Variants in RFX2 observed in about 807,000 individuals in gnomAD.
The protein encoded by RFX2 is DNA-binding protein RFX2.
In RFX2, 20 loss-of-function variants were observed where a neutral mutation model predicts 87.8. That is an observed-to-expected ratio of 0.23 (90% confidence interval 0.16 to 0.33). The LOEUF (loss-of-function observed/expected upper bound fraction) is 0.33. Among genes scored for constraint, RFX2 ranks in the 10% least tolerant of loss-of-function variants. RFX2 has a pLI of 1.00. For missense variants in RFX2, 767 were observed against 1,012.3 expected (o/e 0.76, Z 3.29); for synonymous variants, 397 against 431.3 (o/e 0.92, Z 0.98).
chr19:5,997,316 T>G lies in RFX2; in HGVS notation c.1860-103A>C. 7.7e-7 allele frequency: 1 copy of G among 1,293,864 alleles called. No individual in the cohort carries two copies. The highest frequency in any genetic ancestry group is 1.0e-6 in the Non-Finnish European group (1 of 966,350). The allele number at this position is 1,293,864 out of a possible 1,614,324, so 80.1% of individuals were successfully genotyped here. Reference sequence around the variant, plus strand: ...AACACACCCCCTGCTCTACGTTCCCTGGGGAACCCAGAGGCTGAGTGATCC... The same window carrying G: ...AACACACCCCCTGCTCTACGTTCCCGGGGGAACCCAGAGGCTGAGTGATCC... On this transcript the variant is annotated intron_variant, in intron 15 of 17. Coordinates refer to ENST00000303657, the MANE Select transcript of RFX2 (RefSeq NM_000635.4). The surrounding 1 kb of genome is among the most constrained non-coding windows in gnomAD (Gnocchi z 4.2).
chr19:6,105,856 T>A (rs565324764), intron 1 of RFX2, among the ~76,000 whole-genome samples: 1 of 152,022 alleles, frequency 6.6e-6, no homozygotes, highest in Admixed American at 6.5e-5. Flanking sequence ...TGGGGGGTGC[T>A]TTGGGAGGAG....
In RFX2 at chr19:6,056,512, C is replaced by T. The variant is rs111961582; in HGVS notation, c.-8-9008G>A. Among the ~76,000 whole-genome samples the T allele has an allele frequency of 6.6e-4, 100 of 152,220 alleles. No homozygotes were observed. Among genetic ancestry groups the T allele is most frequent in the East Asian group, 2.5e-3 (13 of 5,174 alleles). On this transcript the variant is annotated intron_variant, in intron 1 of 17. Coordinates refer to ENST00000303657, the MANE Select transcript of RFX2 (RefSeq NM_000635.4). This position sits in a 1 kb window ranked among gnomAD's most constrained non-coding sequence, Gnocchi z 4.6. ...AACTCCTCCACCTGGCAGAGGAGAG[C>T]GCAGCAGAGAGTGGGCAGAGGGCAG... is the stretch of plus-strand genomic sequence containing the variant.
Position 6,008,196 on chromosome 19 carries a change from T to C in RFX2, c.1044A>G (p.Pro348=). 6.4e-7 allele frequency: 1 copy of C among 1,561,964 alleles called. No individual in the cohort carries two copies. Among genetic ancestry groups the C allele is most frequent in the Non-Finnish European group, 8.7e-7 (1 of 1,150,856 alleles). ...GCAGGAAGCTGCCCAGGTCGGGCGC[T>C]GGGAACTCGGGGAAGACGTGGGAGA... ...IDVSHVFPEF[P]APDLGSFLLQ... The change falls in exon 10 of 18, where the codon CCA becomes CCG. Residue 348 remains proline (P), a synonymous_variant. Coordinates refer to ENST00000303657, the MANE Select transcript of RFX2 (RefSeq NM_000635.4).
rs2087819397 is a variant in RFX2 at position 6,083,858 on chromosome 19, T to C, written c.-9+26535A>G. Among the ~76,000 whole-genome samples the C allele has an allele frequency of 6.6e-6, 1 of 152,184 alleles. No individual in the cohort carries two copies. The highest frequency in any genetic ancestry group is 1.5e-5 in the Non-Finnish European group (1 of 68,026). ...ATTATAGGCAGCGGAAAATGCCTGCTAGCGAGTAGGCACTCAAACGTGTCT... is the reference window on the plus strand; with the variant it reads ...ATTATAGGCAGCGGAAAATGCCTGCCAGCGAGTAGGCACTCAAACGTGTCT... On this transcript the variant is annotated intron_variant, in intron 1 of 17. Transcript: ENST00000303657. The surrounding 1 kb of genome is among the most constrained non-coding windows in gnomAD (Gnocchi z 4.6).
rs776213469 is a variant in RFX2, at chr19:5,994,827, C to T, written c.*8G>A. Reference sequence around the variant, plus strand: ...TTTGGAACCTCGAGGAGGCGCCGGCCGGGGCTGCTAGATGCCCTGCAGGGA... The same window carrying T: ...TTTGGAACCTCGAGGAGGCGCCGGCTGGGGCTGCTAGATGCCCTGCAGGGA... On this transcript the variant is annotated 3_prime_UTR_variant, in exon 18 of 18. Coordinates refer to ENST00000303657, the MANE Select transcript of RFX2 (RefSeq NM_000635.4). The T allele has an allele frequency of 1.1e-5, 17 of 1,591,014 alleles. No homozygotes were observed. Among genetic ancestry groups the T allele is most frequent in the Admixed American group, 3.3e-5 (2 of 59,810 alleles).
At position 6,044,208 on chromosome 19, in the gene RFX2, C is replaced by T. The variant is rs61731072; in HGVS notation, c.165G>A (p.Gln55=). ...QMQPISLPRV[Q]QVPQQVQPVQ... ...TTGTCATTACCTGCTGGGGTACCTG[C>T]TGAACTCTGGGGAGGGAGATCGGCT... The change falls in exon 3 of 18, where the codon CAG becomes CAA. Residue 55 remains glutamine, a synonymous_variant. Transcript: ENST00000303657. The surrounding 1 kb of genome is among the most constrained non-coding windows in gnomAD (Gnocchi z 5.3). 3.9e-3 allele frequency: 6,052 copies of T among 1,571,402 alleles called. 187 individuals are homozygous for T. The African/African-American group carries it at 0.069, about 18-fold the overall frequency.
intron 1 of RFX2, among the ~76,000 whole-genome samples, chr19:6,096,507 C>T (rs148143748): frequency 0.015 from 2,341 of 152,162 alleles, 49 homozygotes; most frequent in African/African-American, 0.053. Context: ...AGTGCAGTGG[C>T]GCGATCTCGG....
intron 1 of RFX2, among the ~76,000 whole-genome samples, chr19:6,059,964 G>T (rs74793478): frequency 0.018 from 2,654 of 151,246 alleles, 73 homozygotes; most frequent in African/African-American, 0.06. Flanking sequence ...AAAGTGATGG[G>T]GGGGAGCCTG....
At position 6,107,616 on chromosome 19, in the gene RFX2, C is replaced by CAAAAAAAAAAAAAAAAAAA. The variant is rs1156483792; in HGVS notation, c.-9+2758_-9+2776dup. 3.2e-4 allele frequency among the ~76,000 whole-genome samples: 10 copies of CAAAAAAAAAAAAAAAAAAA among 31,556 alleles called. 1 individual carries two copies. Among genetic ancestry groups the CAAAAAAAAAAAAAAAAAAA allele is most frequent in the African/African-American group, 5.0e-4 (4 of 8,078 alleles). 20.7% of individuals were successfully genotyped at this position (31,556 alleles called of 152,430 possible). ...TGGGTGACAGAGTGAGACCCTGTCT[C>CAAAAAAAAAAAAAAAAAAA]AAAAAAAAAAAAAAAAAAAAAAAAA... On this transcript the variant is annotated intron_variant, in intron 1 of 17. Coordinates refer to ENST00000303657, the MANE Select transcript of RFX2 (RefSeq NM_000635.4).
At position 6,022,973 on chromosome 19, in the gene RFX2, CT is replaced by C. The variant is rs1331931281; in HGVS notation, c.597+3189del. 1 of 152,358 alleles carries C rather than the reference CT, an allele frequency of 6.6e-6. No homozygotes were observed. Among genetic ancestry groups the C allele is most frequent in the African/African-American group, 2.4e-5 (1 of 41,464 alleles). 9.4% of individuals were successfully genotyped at this position (152,358 alleles called of 1,614,324 possible). ...TCCGCGGAACACGTGGCCAGCTCCG[CT>C]CAGAGATGTCTGTGAGGGGTTCCCT... On this transcript the variant is annotated intron_variant, in intron 6 of 17. Coordinates refer to ENST00000303657, the MANE Select transcript of RFX2 (RefSeq NM_000635.4). This position sits in a 1 kb window ranked among gnomAD's most constrained non-coding sequence, Gnocchi z 6.2.
chr19:6,074,603 C>G lies in RFX2; in HGVS notation c.-8-27099G>C, dbSNP rs1325255213. Among the ~76,000 whole-genome samples the G allele has an allele frequency of 3.3e-5, 5 of 152,158 alleles. No homozygotes were observed. In the East Asian group the frequency reaches 9.7e-4, roughly 29 times the overall value. On this transcript the variant is annotated intron_variant, in intron 1 of 17. Transcript: ENST00000303657. The surrounding 1 kb of genome is among the most constrained non-coding windows in gnomAD (Gnocchi z 5.2). ...GAGTCCCTGACCATGTGGGGCTGAC[C>G]CCTCAGGGAGAGACAGACGACACCA...
Position 5,997,178 on chromosome 19 carries a change from G to A in RFX2, c.1895C>T (p.Ala632Val). The A allele has an allele frequency of 1.9e-6, 3 of 1,613,076 alleles. No homozygotes were observed. Among genetic ancestry groups the A allele is most frequent in the Non-Finnish European group, 2.5e-6 (3 of 1,179,964 alleles). ...MVIRDLTLRS[A>V]ASFGSFHLIR... ...GAGGTGGAAGGAGCCGAAGCTGGCAGCGCTGCGCAGGGTCAGGTCCCGGAT... is the reference window on the plus strand; with the variant it reads ...GAGGTGGAAGGAGCCGAAGCTGGCAACGCTGCGCAGGGTCAGGTCCCGGAT... The change falls in exon 16 of 18, where the codon GCT (alanine) becomes GTT (valine). Residue 632 changes from alanine to valine, a missense_variant. Physicochemically the swap from Ala to Val is moderately conservative, Grantham distance 64. This residue lies in a region of RFX2 where 621 missense variants were observed against 873.0 expected (regional missense o/e 0.71). Coordinates refer to ENST00000303657, the MANE Select transcript of RFX2 (RefSeq NM_000635.4). This position sits in a 1 kb window ranked among gnomAD's most constrained non-coding sequence, Gnocchi z 4.2.
chr19:6,015,161 C>T (rs536351527), intron 7 of RFX2, among the ~76,000 whole-genome samples: 1 of 152,288 alleles, frequency 6.6e-6, no homozygotes, highest in African/African-American at 2.4e-5. Context: ...GGCACAGTGA[C>T]TCACACCTGT....
intron 1 of RFX2, among the ~76,000 whole-genome samples, chr19:6,093,131 C>T (rs1199465057): frequency 6.6e-6 from 1 of 152,202 alleles, no homozygotes; most frequent in African/African-American, 2.4e-5. Context: ...TCAGCAATTT[C>T]CCTGCCGCGA....
chr19:5,995,091 C>G lies in RFX2; in HGVS notation c.2057-141G>C, dbSNP rs2086387421. The G allele has an allele frequency of 1.6e-5, 11 of 680,576 alleles. No individual in the cohort carries two copies. In the South Asian group the frequency reaches 1.9e-4, roughly 12 times the overall value. The allele number at this position is 680,576 out of a possible 1,614,324, so 42.2% of individuals were successfully genotyped here. A position where few individuals can be genotyped will look rare whatever the true frequency, so the allele number is the denominator to read the frequency against. ...GGCAGCCTGTGGACCCCACCTCGGC[C>G]TCTGCTCCAGGCTGACCTGTCCTCC... On this transcript the variant is annotated intron_variant, in intron 17 of 17. Coordinates refer to ENST00000303657, the MANE Select transcript of RFX2 (RefSeq NM_000635.4).
intron 3 of RFX2, among the ~76,000 whole-genome samples, chr19:6,042,964 T>C (rs2087132406): frequency 6.6e-6 from 1 of 152,190 alleles, no homozygotes; most frequent in South Asian, 2.1e-4. Flanking sequence ...CATGGTGTCA[T>C]GGTGACCTTC....
In RFX2 at chr19:6,049,679, C is replaced by A. The variant is rs138427034; in HGVS notation, c.-8-2175G>T. ...GAATAGACGAGATTACAGGCACCCA[C>A]CATCATGCCTGGCTAATTTTTGTAT... On this transcript the variant is annotated intron_variant, in intron 1 of 17. Coordinates refer to ENST00000303657, the MANE Select transcript of RFX2 (RefSeq NM_000635.4). Among the ~76,000 whole-genome samples the A allele has an allele frequency of 8.2e-3, 1,252 of 152,326 alleles. 46 individuals are homozygous for A. The highest frequency in any genetic ancestry group is 0.061 in the Admixed American group (934 of 15,306).
At chr19:6,100,875 TAATTAATTG>T (rs796518673) in intron 1 of RFX2, among the ~76,000 whole-genome samples, 4 of 135,830 alleles carry the variant, frequency 2.9e-5, no homozygotes, top group African/African-American at 1.5e-4. Context: ...TTAATTGAAT[TAATTAATTG>T]AATTAATTAA....
chr19:6,095,522 T>C (rs1322584888), intron 1 of RFX2, among the ~76,000 whole-genome samples: 2 of 151,944 alleles, frequency 1.3e-5, no homozygotes, highest in African/African-American at 4.8e-5. Flanking sequence ...CAGGGTACCA[T>C]AAACAATGGG....
Sources: allele counts gnomAD v4.1 joint callset (sites outside exome capture counted in the v4.1 genomes callset), GRCh38; gene constraint gnomAD v4.1.1; regional missense constraint gnomAD v4.1.1; non-coding constraint Gnocchi (gnomAD v3.1); transcripts MANE v1.5; gene names NCBI Gene and HGNC (gene_info 2026-07-23, HGNC 2026-07-21).